The following JPH3 variants were observed in gnomAD, a reference collection of about 807,000 sequenced individuals.
JPH3 encodes the protein junctophilin-3.
Under a neutral mutation model 59.6 loss-of-function variants are expected in JPH3, and 11 were observed. That is an observed-to-expected ratio of 0.18 (90% CI 0.12 to 0.31). The LOEUF is 0.31. JPH3 is among the 10% of genes least tolerant of loss of function. The pLI, the probability that JPH3 is intolerant of heterozygous loss-of-function variation, is 1.00. For missense variants in JPH3, 1,202 were observed against 1,105.7 expected (o/e 1.09, Z -1.24); for synonymous variants, 673 against 483.6 (o/e 1.39, Z -5.14).
intron 2 of JPH3, among the ~76,000 whole-genome samples, chr16:87,673,574 T>C (rs1355860881): frequency 6.6e-6 from 1 of 152,198 alleles, no homozygotes; most frequent in Non-Finnish European, 1.5e-5. Flanking sequence ...TAGGAGAACA[T>C]GGAAGACAGC....
chr16:87,696,480 G>A, intron 4 of JPH3, 100 bp from the exon 5 acceptor site: 2 of 947,248 alleles, frequency 2.1e-6, no homozygotes, highest in South Asian at 1.3e-5. Context: ...CCACCCCCGA[G>A]GGTCTGCTAG....
chr16:87,614,356 A>C (rs12103271), intron 1 of JPH3, among the ~76,000 whole-genome samples: 186 of 113,258 alleles, frequency 1.6e-3, no homozygotes, highest in Non-Finnish European at 2.1e-3. Context: ...CGTCCCCTCC[A>C]AGGATAAAGG....
At chr16:87,637,150 G>T (rs1468588631) in intron 1 of JPH3, among the ~76,000 whole-genome samples, 1 of 152,212 alleles carries the variant, frequency 6.6e-6, no homozygotes, top group Non-Finnish European at 1.5e-5. Flanking sequence ...ATTTCGCTGT[G>T]CTTCCGCCCC....
At chr16:87,634,842 G>A (rs553501374) in intron 1 of JPH3, among the ~76,000 whole-genome samples, 1 of 152,234 alleles carries the variant, frequency 6.6e-6, no homozygotes, top group African/African-American at 2.4e-5. Context: ...GAGACGCTCT[G>A]TGTGGGCTTC....
chr16:87,608,184 G>A (rs2030596755), intron 1 of JPH3, among the ~76,000 whole-genome samples: 1 of 152,224 alleles, frequency 6.6e-6, no homozygotes, highest in Admixed American at 6.5e-5. Context: ...TCTCTTCTGA[G>A]GACACCCAGC....
intron 2 of JPH3, among the ~76,000 whole-genome samples, chr16:87,675,660 G>T (rs529507424): frequency 6.6e-6 from 1 of 152,190 alleles, no homozygotes; most frequent in Admixed American, 6.5e-5. Flanking sequence ...CTAGAGTTTT[G>T]TCTGATTTTA....
At chr16:87,643,330 G>T (rs1263312242) in intron 1 of JPH3, among the ~76,000 whole-genome samples, 1 of 152,204 alleles carries the variant, frequency 6.6e-6, no homozygotes, top group Non-Finnish European at 1.5e-5. Flanking sequence ...TCCAGCCATG[G>T]AAACAGTGCT....
intron 2 of JPH3, among the ~76,000 whole-genome samples, chr16:87,672,086 G>C (rs115556369): frequency 6.6e-6 from 1 of 152,108 alleles, no homozygotes; most frequent in Non-Finnish European, 1.5e-5. Context: ...GCTCCTCGCC[G>C]GGCGGGGTTC....
At chr16:87,646,781 G>A (rs1396849717) in intron 2 of JPH3, among the ~76,000 whole-genome samples, 2 of 152,128 alleles carry the variant, frequency 1.3e-5, no homozygotes, top group Non-Finnish European at 2.9e-5. Context: ...CTGCAGATTG[G>A]TTCATGAGTT....
chr16:87,657,084 T>A (rs1482984822), intron 2 of JPH3, among the ~76,000 whole-genome samples: 1 of 152,098 alleles, frequency 6.6e-6, no homozygotes. Flanking sequence ...AGGCTTCACA[T>A]AGGAACCTGA....
chr16:87,605,188 C>T (rs558111550), intron 1 of JPH3, among the ~76,000 whole-genome samples: 10 of 152,306 alleles, frequency 6.6e-5, no homozygotes, highest in South Asian at 4.1e-4. Flanking sequence ...CTGTGCAGGC[C>T]GGGCTCACGC....
intron 1 of JPH3, among the ~76,000 whole-genome samples, chr16:87,636,243 TGGGGGC>T (rs1490737810): frequency 4.6e-5 from 7 of 151,752 alleles, no homozygotes; most frequent in East Asian, 2.0e-4. Flanking sequence ...TGGGGTGGGG[TGGGGGC>T]GGGGGCGTCC....
At chr16:87,608,808 GGGA>G (rs1485886518) in intron 1 of JPH3, among the ~76,000 whole-genome samples, 1 of 152,154 alleles carries the variant, frequency 6.6e-6, no homozygotes, top group African/African-American at 2.4e-5. Flanking sequence ...AGGCCGAGAT[GGGA>G]GGTTCACTTG....
chr16:87,632,561 G>A (rs1360617584), intron 1 of JPH3, among the ~76,000 whole-genome samples: 1 of 152,318 alleles, frequency 6.6e-6, no homozygotes, highest in East Asian at 1.9e-4. Context: ...GGCTGAAGCA[G>A]CTGGACTACA....
intron 2 of JPH3, among the ~76,000 whole-genome samples, chr16:87,680,112 C>T (rs1346334307): frequency 6.6e-6 from 1 of 152,262 alleles, no homozygotes; most frequent in Non-Finnish European, 1.5e-5. Flanking sequence ...GTTGCCTTGG[C>T]AATGACACCT....
At chr16:87,608,483 A>G (rs150683890) in intron 1 of JPH3, among the ~76,000 whole-genome samples, 1 of 152,210 alleles carries the variant, frequency 6.6e-6, no homozygotes, top group African/African-American at 2.4e-5. Context: ...GTGAGAGGCC[A>G]TGCGGTGGAT....
intron 2 of JPH3, among the ~76,000 whole-genome samples, chr16:87,658,165 C>T (rs944061028): frequency 1.3e-5 from 2 of 152,176 alleles, no homozygotes; most frequent in African/African-American, 4.8e-5. Context: ...GGCAGGTATT[C>T]AGCAAACAGT....
chr16:87,643,918 C>T (rs2032041184), intron 1 of JPH3, among the ~76,000 whole-genome samples: 4 of 152,106 alleles, frequency 2.6e-5, no homozygotes, highest in African/African-American at 7.2e-5. Flanking sequence ...GGCAGGATCA[C>T]TTGAGCCCAT....
chr16:87,669,659 G>C (rs528104339), intron 2 of JPH3, among the ~76,000 whole-genome samples: 1 of 152,234 alleles, frequency 6.6e-6, no homozygotes, highest in Non-Finnish European at 1.5e-5. Flanking sequence ...GGCGTGTGGG[G>C]TGGAGGCCGG....
Sources: gnomAD v4.1 joint callset for allele counts (sites outside exome capture counted in the v4.1 genomes callset) on GRCh38, gnomAD v4.1.1 for gene constraint, MANE v1.5 for transcripts, NCBI Gene and HGNC (gene_info 2026-07-23, HGNC 2026-07-21) for gene names.